Variants in C14orf180 observed in about 807,000 individuals in gnomAD.
C14orf180 encodes the protein chromosome 14 open reading frame 180.
Under a neutral mutation model 13.9 loss-of-function variants are expected in C14orf180, and 13 were observed. That is an observed-to-expected ratio of 0.94 (90% CI 0.61 to 1.49). C14orf180 has a LOEUF of 1.49. Among genes scored for constraint, C14orf180 ranks in the 40% most tolerant of loss-of-function variants. The probability of loss-of-function intolerance (pLI) is 0.00; values close to 1 mark genes in which losing one functional copy is unlikely to be tolerated. For synonymous variants in C14orf180, 113 were observed against 106.3 expected, an observed-to-expected ratio of 1.06 and a Z score of -0.39; for missense variants, 238 against 232.0, an observed-to-expected ratio of 1.03 and a Z score of -0.17.
chr14:104,580,374 ACACGGCCACTT>A (rs1207938055), intron 1 of C14orf180, among the ~76,000 whole-genome samples: 1 of 152,190 alleles, frequency 6.6e-6, no homozygotes, highest in Non-Finnish European at 1.5e-5. Context: ...GAAGCAGGGA[ACACGGCCACTT>A]CAAACTTAGC....
At chr14:104,582,642 C>T (rs888433554) in intron 1 of C14orf180, among the ~76,000 whole-genome samples, 2 of 152,184 alleles carry the variant, frequency 1.3e-5, no homozygotes, top group African/African-American at 4.8e-5. Context: ...GTTTCCCCTC[C>T]GCCAGGGAGC....
rs1414454233 is a variant in C14orf180 at position 104,587,862 on chromosome 14, A to G, written c.225A>G (p.Pro75=). ...GGCGCGTGTGGTTCCGAGAACCCCCAGCGGTGACCGTCCACTGTAAGAGGG... is the reference window on the plus strand; with the variant it reads ...GGCGCGTGTGGTTCCGAGAACCCCCGGCGGTGACCGTCCACTGTAAGAGGG... The part of the protein sequence containing the change: ...TSRRVWFREP[P]AVTVHYIADK... Residue 75 remains proline (P), a synonymous_variant, in exon 3 of 5, where the codon CCA becomes CCG. Coordinates refer to ENST00000557649, the MANE Select transcript of C14orf180 (RefSeq NM_001008404.3). 2 of 1,608,628 alleles carry G rather than the reference A, an allele frequency of 1.2e-6. No homozygotes were observed. The highest frequency in any genetic ancestry group is 1.7e-6 in the Non-Finnish European group (2 of 1,177,878).
intron 4 of C14orf180, 49 bp downstream of exon 4, chr14:104,588,358 G>A: frequency 1.2e-6 from 2 of 1,609,518 alleles, no homozygotes; most frequent in African/African-American, 2.7e-5. Context: ...CTCCGTGGGT[G>A]CACCCACCCT....
intron 4 of C14orf180, 71 bp downstream of exon 4, chr14:104,588,380 C>T (rs533220862): frequency 1.8e-5 from 29 of 1,580,442 alleles, no homozygotes; most frequent in Middle Eastern, 1.7e-4. Flanking sequence ...ACTCCCTCCC[C>T]GAGGGAGGTG....
rs369221387 is a variant in C14orf180 at position 104,588,260 on chromosome 14, A to G, written c.242-14A>G. 5.0e-6 allele frequency: 8 copies of G among 1,613,728 alleles called. No individual in the cohort carries two copies. The African/African-American group carries it at 9.3e-5, about 19-fold the overall frequency. On this transcript the variant is annotated splice_polypyrimidine_tract_variant and intron_variant, in intron 3 of 4. Transcript: ENST00000557649. ...GGCAGGTGCCCCCAGCTGACTCTCC[A>G]TTCTCTTTCGCAGACATTGCTGACA...
Position 104,588,329 on chromosome 14 carries a change from C to T in C14orf180, c.277+20C>T. The T allele has an allele frequency of 6.2e-7, 1 of 1,611,032 alleles. No homozygotes were observed. Among genetic ancestry groups the T allele is most frequent in the Non-Finnish European group, 8.5e-7 (1 of 1,179,992 alleles). On this transcript the variant is annotated intron_variant, in intron 4 of 4. Transcript: ENST00000557649. The stretch of plus-strand genomic sequence containing the variant: ...TCAGGGGTGAGTTCTGAGCCCACAT[C>T]CCTGTGCCCCACTGCCCCCTCCGTG...
chr14:104,580,425 T>C (rs2140452463), intron 1 of C14orf180, among the ~76,000 whole-genome samples: 1 of 152,276 alleles, frequency 6.6e-6, no homozygotes, highest in East Asian at 1.9e-4. Flanking sequence ...ACACAGGAGC[T>C]TCCAAAGGGC....
At chr14:104,581,278 G>A (rs1886422671) in intron 1 of C14orf180, 1 of 152,276 alleles carries the variant, frequency 6.6e-6, no homozygotes, top group Non-Finnish European at 1.5e-5. Flanking sequence ...TCTTCCACCG[G>A]AAGAAGGCAC....
Position 104,588,780 on chromosome 14 carries a change from C to G in C14orf180, c.480C>G (p.Leu160=). The change falls in exon 5 of 5, where the codon CTC becomes CTG. Residue 160 remains leucine, a synonymous_variant. Transcript: ENST00000557649. ...CCTGCTGGCGCGGCCTCCTGCGGCTCTGACGGGCAGGACGGGCAGGACGGG... is the reference window on the plus strand; with the variant it reads ...CCTGCTGGCGCGGCCTCCTGCGGCTGTGACGGGCAGGACGGGCAGGACGGG... ...ALTCWRGLLR[L] is the part of the protein sequence containing the mutation. The G allele has an allele frequency of 1.3e-6, 2 of 1,493,246 alleles. No individual in the cohort carries two copies. The highest frequency in any genetic ancestry group is 1.9e-5 in the African/African-American group (1 of 52,056). The allele number at this position is 1,493,246 out of a possible 1,614,324, so 92.5% of individuals were successfully genotyped here.
In C14orf180 at chr14:104,588,706, C is replaced by A. The variant is rs181202218; in HGVS notation, c.406C>A (p.Arg136=). ...KPVATALEDL[R]ARLLGLVLHL... The stretch of plus-strand genomic sequence containing the variant: ...CGTGGCAACGGCACTGGAGGACCTG[C>A]GGGCCCGGCTCCTCGGCCTTGTCCT... Residue 136 remains arginine, a synonymous_variant, in exon 5 of 5, where the codon CGG becomes AGG. Coordinates refer to ENST00000557649, the MANE Select transcript of C14orf180 (RefSeq NM_001008404.3). 26 of 1,535,644 alleles carry A rather than the reference C, an allele frequency of 1.7e-5. No homozygotes were observed. Among genetic ancestry groups the A allele is most frequent in the Middle Eastern group, 3.4e-4 (2 of 5,928 alleles).
At chr14:104,583,624 G>A (rs1391504811) in intron 1 of C14orf180, among the ~76,000 whole-genome samples, 1 of 152,184 alleles carries the variant, frequency 6.6e-6, no homozygotes, top group Non-Finnish European at 1.5e-5. Flanking sequence ...CCCGTAGGAA[G>A]TCCTGACTGT....
intron 1 of C14orf180, among the ~76,000 whole-genome samples, chr14:104,582,795 G>C (rs527950601): frequency 6.6e-6 from 1 of 152,160 alleles, no homozygotes; most frequent in Non-Finnish European, 1.5e-5. Flanking sequence ...GGCCTAGCGG[G>C]ACACTTACAG....
At chr14:104,580,189 T>C (rs1886391012) in intron 1 of C14orf180, among the ~76,000 whole-genome samples, 186 bp downstream of exon 1, 1 of 151,794 alleles carries the variant, frequency 6.6e-6, no homozygotes, top group Non-Finnish European at 1.5e-5. Flanking sequence ...CTGCCCCAGC[T>C]GGGCAGCAGG....
At position 104,588,275 on chromosome 14, in the gene C14orf180, C is replaced by G; in HGVS notation, c.243C>G (p.Tyr81Ter). ...CTGACTCTCCATTCTCTTTCGCAGACATTGCTGACAAGAACGCCACAGCCA... is the reference window on the plus strand; with the variant it reads ...CTGACTCTCCATTCTCTTTCGCAGAGATTGCTGACAAGAACGCCACAGCCA... The part of the protein sequence containing the change: ...FREPPAVTVH[Y>*]IADKNATATV... The change falls in exon 4 of 5, where the codon TAC (tyrosine) becomes TAG (stop). Residue 81 changes from tyrosine (Y) to a stop codon, truncating the protein, a stop_gained and splice_region_variant. Coordinates refer to ENST00000557649, the MANE Select transcript of C14orf180 (RefSeq NM_001008404.3). LOFTEE classifies it low-confidence loss of function (END_TRUNC). The G allele has an allele frequency of 6.2e-7, 1 of 1,613,984 alleles. No individual in the cohort carries two copies. Among genetic ancestry groups the G allele is most frequent in the South Asian group, 1.1e-5 (1 of 91,090 alleles).
chr14:104,588,531 A>T (rs1255198447), intron 4 of C14orf180, 47 bp from the exon 5 acceptor site: 1 of 1,444,720 alleles, frequency 6.9e-7, no homozygotes, highest in Admixed American at 2.7e-5. Flanking sequence ...TCCTCCAGGG[A>T]AGGGTCGCGC....
Position 104,588,681 on chromosome 14 carries a change from C to A in C14orf180, c.381C>A (p.Pro127=), listed in dbSNP as rs374323036. The A allele has an allele frequency of 6.5e-7, 1 of 1,535,168 alleles. No individual in the cohort carries two copies. Among genetic ancestry groups the A allele is most frequent in the East Asian group, 2.4e-5 (1 of 40,860 alleles). ...GCCTATACTGCGGCCGGGCCAAGCC[C>A]GTGGCAACGGCACTGGAGGACCTGC... ...ALGLYCGRAK[P]VATALEDLRA... Residue 127 remains proline (P), a synonymous_variant, in exon 5 of 5, where the codon CCC becomes CCA. Coordinates refer to ENST00000557649, the MANE Select transcript of C14orf180 (RefSeq NM_001008404.3).
chr14:104,580,839 C>T (rs575887659), intron 1 of C14orf180, among the ~76,000 whole-genome samples: 5 of 152,362 alleles, frequency 3.3e-5, no homozygotes, highest in African/African-American at 9.6e-5. Context: ...GGGGGTCCCC[C>T]GCCCTGTCTG....
intron 1 of C14orf180, among the ~76,000 whole-genome samples, chr14:104,582,022 C>CAGTGCCAGG (rs1886455037): frequency 3.9e-5 from 6 of 151,970 alleles, no homozygotes; most frequent in African/African-American, 1.5e-4. Context: ...CGAGGAAGGA[C>CAGTGCCAGG]CTCCCATGTG....
intron 1 of C14orf180, among the ~76,000 whole-genome samples, chr14:104,580,892 A>T (rs1286560759): frequency 6.6e-6 from 1 of 152,208 alleles, no homozygotes; most frequent in East Asian, 1.9e-4. Context: ...CACCCAGCAG[A>T]TGAGCAGCCA....
Sources: allele counts gnomAD v4.1 joint callset (sites outside exome capture counted in the v4.1 genomes callset), GRCh38; gene constraint gnomAD v4.1.1; transcripts MANE v1.5; gene names NCBI Gene and HGNC (gene_info 2026-07-23, HGNC 2026-07-21).